ALK: variants seen among roughly 807,000 people sequenced by gnomAD.
The protein encoded by ALK is ALK tyrosine kinase receptor.
In ALK, 74 loss-of-function variants were observed where a neutral mutation model predicts 163.1. The observed-to-expected ratio is 0.45, with a 90% CI of 0.38 to 0.55. The LOEUF is 0.55. Ranked by LOEUF, ALK falls within the 20% of genes least tolerant of loss-of-function variation. ALK has a pLI of 0.00. For missense variants in ALK, 2,063 were observed against 2,105.3 expected (o/e 0.98, Z 0.39); for synonymous variants, 960 against 843.2 (o/e 1.14, Z -2.40).
chr2:29,489,674 G>A (rs1671855307), intron 4 of ALK, among the ~76,000 whole-genome samples: 1 of 152,158 alleles, frequency 6.6e-6, no homozygotes, highest in African/African-American at 2.4e-5. Flanking sequence ...GTTATTTAAG[G>A]CATGAAGCAG....
At chr2:29,741,245 A>C (rs1680050796) in intron 1 of ALK, among the ~76,000 whole-genome samples, 3 of 152,164 alleles carry the variant, frequency 2.0e-5, no homozygotes, top group Non-Finnish European at 4.4e-5. Flanking sequence ...GGGGGCAATG[A>C]AACTACTCTC....
At chr2:29,317,502 G>A (rs1666863987) in intron 8 of ALK, among the ~76,000 whole-genome samples, 1 of 152,166 alleles carries the variant, frequency 6.6e-6, no homozygotes, top group Admixed American at 6.5e-5. Context: ...GGCACCCTGT[G>A]GGCTAAATAC....
chr2:29,346,449 C>G (rs1172957621), intron 5 of ALK, among the ~76,000 whole-genome samples: 2 of 152,216 alleles, frequency 1.3e-5, no homozygotes, highest in Non-Finnish European at 2.9e-5. Flanking sequence ...GGGAGACAGA[C>G]CTTACCCAGG....
At chr2:29,288,069 T>C (rs1422553112) in intron 9 of ALK, among the ~76,000 whole-genome samples, 1 of 133,330 alleles carries the variant, frequency 7.5e-6, no homozygotes, top group East Asian at 2.6e-4. Context: ...GTGGGAGGGA[T>C]GGGTGAACTT....
At chr2:29,688,458 T>C (rs944641040) in intron 3 of ALK, among the ~76,000 whole-genome samples, 3 of 152,330 alleles carry the variant, frequency 2.0e-5, no homozygotes, top group African/African-American at 4.8e-5. Flanking sequence ...GTGCATATAA[T>C]TGATGAATAT....
intron 4 of ALK, among the ~76,000 whole-genome samples, chr2:29,452,972 A>T (rs1670860382): frequency 1.3e-5 from 2 of 152,240 alleles, no homozygotes; most frequent in Admixed American, 6.5e-5. Flanking sequence ...CATACATGGG[A>T]GGAAAATAAG....
chr2:29,862,801 C>T lies in ALK; in HGVS notation c.667+57192G>A, dbSNP rs1009177584. On this transcript the variant is annotated intron_variant, in intron 1 of 28. Coordinates refer to ENST00000389048, the MANE Select transcript of ALK (RefSeq NM_004304.5). ...AATTCATATAGAACCAGAAAAGACC[C>T]AGAATAGCCAAAGCAATCTTGAGAA... Among the ~76,000 whole-genome samples, 6 of 147,892 alleles carry T rather than the reference C, an allele frequency of 4.1e-5. No individual in the cohort carries two copies. The East Asian group carries it at 1.2e-3, about 29-fold the overall frequency.
At chr2:29,392,393 G>A (rs1479766759) in intron 4 of ALK, among the ~76,000 whole-genome samples, 1 of 152,200 alleles carries the variant, frequency 6.6e-6, no homozygotes, top group Non-Finnish European at 1.5e-5. Flanking sequence ...CCAAATGCAA[G>A]TAACTCATTT....
intron 4 of ALK, among the ~76,000 whole-genome samples, chr2:29,402,462 C>CAA (rs1175903689): frequency 1.3e-5 from 2 of 152,242 alleles, no homozygotes; most frequent in Non-Finnish European, 2.9e-5. Context: ...GTGGGCGAGT[C>CAA]ACTCCACTTC....
At chr2:29,299,614 A>G (rs909991409) in intron 8 of ALK, among the ~76,000 whole-genome samples, 14 of 152,234 alleles carry the variant, frequency 9.2e-5, no homozygotes, top group African/African-American at 2.4e-4. Flanking sequence ...ACAAAATATT[A>G]AAAAGGCATT....
At chr2:29,681,012 A>G (rs1383134462) in intron 3 of ALK, 2 of 152,058 alleles carry the variant, frequency 1.3e-5, no homozygotes, top group African/African-American at 4.8e-5. Context: ...TTTTATTTTT[A>G]CGTTTTAATA....
intron 6 of ALK, among the ~76,000 whole-genome samples, chr2:29,326,630 C>T (rs1280864757): frequency 3.9e-5 from 6 of 152,202 alleles, no homozygotes; most frequent in African/African-American, 7.2e-5. Flanking sequence ...AAGCAAAGCC[C>T]TTCCCTGTAA....
chr2:29,225,572 G>T lies in ALK; in HGVS notation c.3068-7C>A. 2 of 1,606,872 alleles carry T rather than the reference G, an allele frequency of 1.2e-6. No individual in the cohort carries two copies. Among genetic ancestry groups the T allele is most frequent in the Non-Finnish European group, 1.7e-6 (2 of 1,177,482 alleles). ...GGCTCCGGGGTGGGTGACACTGGAAGACAGGTCCCACTGGGGTATTGACAA... is the reference window on the plus strand; with the variant it reads ...GGCTCCGGGGTGGGTGACACTGGAATACAGGTCCCACTGGGGTATTGACAA... On this transcript the variant is annotated splice_region_variant and splice_polypyrimidine_tract_variant and intron_variant, in intron 18 of 28. Coordinates refer to ENST00000389048, the MANE Select transcript of ALK (RefSeq NM_004304.5).
chr2:29,370,213 C>T (rs1358523717), intron 5 of ALK, among the ~76,000 whole-genome samples: 2 of 152,294 alleles, frequency 1.3e-5, no homozygotes, highest in South Asian at 2.1e-4. Context: ...AGCCCAAGTC[C>T]TCAGGACAGA....
chr2:29,523,870 T>C lies in ALK; in HGVS notation c.1154+8045A>G, dbSNP rs1223610892. Among the ~76,000 whole-genome samples the C allele has an allele frequency of 2.0e-4, 28 of 142,456 alleles. 5 individuals carry two copies. Among genetic ancestry groups the C allele is most frequent in the Non-Finnish European group, 1.5e-4 (10 of 65,102 alleles). The allele number at this position is 142,456 out of a possible 152,430, so 93.5% of individuals were successfully genotyped here. The stretch of plus-strand genomic sequence containing the variant: ...GCAGAAGCTGAAGGTTTTTTTTTTT[T>C]TTTTTTTTTTTTTTTTTTTTTATGC... On this transcript the variant is annotated intron_variant, in intron 4 of 28. Transcript: ENST00000389048.
chr2:29,198,658 G>A (rs540463840), intron 26 of ALK, among the ~76,000 whole-genome samples: 2 of 152,274 alleles, frequency 1.3e-5, no homozygotes, highest in African/African-American at 2.4e-5. Flanking sequence ...ATGTAAAAGC[G>A]TGGTAGACAC....
chr2:29,327,146 G>A (rs1216705927), intron 6 of ALK, among the ~76,000 whole-genome samples: 29 of 152,196 alleles, frequency 1.9e-4, no homozygotes, highest in Admixed American at 1.8e-3. Context: ...AGGCAGCTGC[G>A]GGGAGCACCA....
In ALK at chr2:29,512,298, C is replaced by A. The variant is rs558812923; in HGVS notation, c.1154+19617G>T. 5.5e-3 allele frequency among the ~76,000 whole-genome samples: 833 copies of A among 150,968 alleles called. 17 individuals are homozygous for A. The highest frequency in any genetic ancestry group is 0.019 in the African/African-American group (775 of 41,118). On this transcript the variant is annotated intron_variant, in intron 4 of 28. Transcript: ENST00000389048. ...GCAGCACATCAAAAAGCTTATCCAC[C>A]ATGATCAAGTGGGCTTCATCCCTGG...
chr2:29,888,287 C>G (rs1667046027), intron 1 of ALK, among the ~76,000 whole-genome samples: 1 of 139,204 alleles, frequency 7.2e-6, no homozygotes. Context: ...ATGTATTAAG[C>G]TAATGATCAA....
Sources: allele counts gnomAD v4.1 joint callset (sites outside exome capture counted in the v4.1 genomes callset), GRCh38; gene constraint gnomAD v4.1.1; transcripts MANE v1.5; gene names NCBI Gene and HGNC (gene_info 2026-07-23, HGNC 2026-07-21).